Variants in SGSM3 observed in about 807,000 individuals in gnomAD.
SGSM3 encodes the protein small G protein signaling modulator 3, also known as RUN and SH3 containing 3.
SGSM3 carries 96 observed loss-of-function variants against 100.5 expected under a neutral mutation model. The ratio of observed to expected loss-of-function variants is 0.96; its 90% CI spans 0.81 to 1.13. The LOEUF (loss-of-function observed/expected upper bound fraction) is 1.13, where lower values mean the gene tolerates loss of function less well. Among genes scored for constraint, SGSM3 ranks in the 50% most tolerant of loss-of-function variants. The probability of loss-of-function intolerance (pLI) is 0.00; values close to 1 mark genes in which losing one functional copy is unlikely to be tolerated. For missense variants in SGSM3, 1,001 were observed against 1,015.8 expected, an observed-to-expected ratio of 0.99 and a Z score of 0.20; for synonymous variants, 483 against 422.8, an observed-to-expected ratio of 1.14 and a Z score of -1.75.
In SGSM3 at chr22:40,409,669, G is replaced by T. The variant is rs2052324397; in HGVS notation, c.2173-13G>T. 1 of 1,613,272 alleles carries T rather than the reference G, an allele frequency of 6.2e-7. No individual in the cohort carries two copies. The highest frequency in any genetic ancestry group is 8.5e-7 in the Non-Finnish European group (1 of 1,179,662). The stretch of plus-strand genomic sequence containing the variant: ...CCCAAGGCCTGTGAGGTGAGGGGCT[G>T]CCCTGTTTGCAGGCGCAGCAGCCCC... On this transcript the variant is annotated splice_polypyrimidine_tract_variant and intron_variant, in intron 21 of 21. Transcript: ENST00000248929.
At chr22:40,405,056 TG>T (rs1569206463) in intron 6 of SGSM3, 84 bp from the exon 7 acceptor site, 1 of 1,434,516 alleles carries the variant, frequency 7.0e-7, no homozygotes, top group Non-Finnish European at 9.2e-7. Context: ...TCCCCATTTC[TG>T]GGGGAGAAGC....
At position 40,407,605 on chromosome 22, in the gene SGSM3, G is replaced by C; in HGVS notation, c.1524+37G>C. The C allele has an allele frequency of 6.3e-7, 1 of 1,594,288 alleles. No individual in the cohort carries two copies. Among genetic ancestry groups the C allele is most frequent in the Non-Finnish European group, 8.5e-7 (1 of 1,174,372 alleles). ...CGCTGGACTACCAGGTCCTCAGGCT[G>C]TGGCGGGTTCCCCAGACTCCCTCCA... On this transcript the variant is annotated intron_variant, in intron 13 of 21. Coordinates refer to ENST00000248929, the MANE Select transcript of SGSM3 (RefSeq NM_015705.6). The surrounding 1 kb of genome is among the most constrained non-coding windows in gnomAD (Gnocchi z 4.7).
At chr22:40,373,531 C>T (rs1268032670) in intron 1 of SGSM3, 1 of 152,180 alleles carries the variant, frequency 6.6e-6, no homozygotes, top group Non-Finnish European at 1.5e-5. Flanking sequence ...GGATCTTGCC[C>T]TCAGGTAGTT....
intron 8 of SGSM3, 61 bp from the exon 9 acceptor site, chr22:40,406,017 G>A: frequency 1.3e-6 from 2 of 1,587,910 alleles, no homozygotes; most frequent in Non-Finnish European, 1.7e-6. Context: ...CCTTGCTGCA[G>A]TTCCGGGGAG....
chr22:40,382,795 TA>T (rs1197911349), intron 1 of SGSM3, among the ~76,000 whole-genome samples: 4 of 152,200 alleles, frequency 2.6e-5, no homozygotes, highest in Non-Finnish European at 5.9e-5. Flanking sequence ...AAGCATGTGA[TA>T]GGGGTTTTAA....
chr22:40,399,611 A>G (rs1442629737), intron 1 of SGSM3, among the ~76,000 whole-genome samples: 1 of 152,232 alleles, frequency 6.6e-6, no homozygotes, highest in African/African-American at 2.4e-5. Context: ...CATGCTTTTT[A>G]AAATTTCTAG....
At chr22:40,401,815 C>A in intron 3 of SGSM3, 140 bp downstream of exon 3, 1 of 714,718 alleles carries the variant, frequency 1.4e-6, no homozygotes, top group African/African-American at 1.7e-5. Flanking sequence ...TATCTTAGCC[C>A]CATGTTTCCT....
chr22:40,374,457 G>C (rs979420060), intron 1 of SGSM3, among the ~76,000 whole-genome samples: 8 of 152,234 alleles, frequency 5.3e-5, no homozygotes, highest in Non-Finnish European at 5.9e-5. Context: ...GAGTCTGACA[G>C]ATCTGGTAAC....
intron 20 of SGSM3, 27 bp from the exon 21 acceptor site, chr22:40,409,438 G>A: frequency 6.4e-7 from 1 of 1,566,766 alleles, no homozygotes; most frequent in Non-Finnish European, 8.7e-7. Flanking sequence ...GGTGACAAGA[G>A]CCTTACCACC....
rs2050646036 is a variant in SGSM3 at position 40,400,826 on chromosome 22, G to A, written c.7+13G>A. 6.5e-7 allele frequency: 1 copy of A among 1,532,274 alleles called. No individual in the cohort carries two copies. The highest frequency in any genetic ancestry group is 8.8e-7 in the Non-Finnish European group (1 of 1,141,032). 94.9% of individuals were successfully genotyped at this position (1,532,274 alleles called of 1,614,324 possible). ...AGCACAATGTCAGGTAGAGGCAGGGGCTGGACTTGGAAACGGGGTTTGAAG... is the reference window on the plus strand; with the variant it reads ...AGCACAATGTCAGGTAGAGGCAGGGACTGGACTTGGAAACGGGGTTTGAAG... On this transcript the variant is annotated intron_variant, in intron 2 of 21. Transcript: ENST00000248929.
At chr22:40,379,619 A>G (rs1020169141) in intron 1 of SGSM3, among the ~76,000 whole-genome samples, 10 of 152,202 alleles carry the variant, frequency 6.6e-5, no homozygotes, top group Non-Finnish European at 4.4e-5. Flanking sequence ...TCAGTGAGTT[A>G]TTAAGTAAAT....
In SGSM3 at chr22:40,404,317, G is replaced by T. The variant is rs2051149540; in HGVS notation, c.228G>T (p.Arg76=). The change falls in exon 5 of 22, where the codon CGG becomes CGT. Residue 76 remains arginine (R), a synonymous_variant. Coordinates refer to ENST00000248929, the MANE Select transcript of SGSM3 (RefSeq NM_015705.6). ...TGGAGGATGCTCCACAGAGGCTGCG[G>T]TGGCAGGCCCACCTGGAGTTCACCC... The part of the protein sequence containing the change: ...PLMEDAPQRL[R]WQAHLEFTHN... 6.3e-6 allele frequency: 10 copies of T among 1,579,876 alleles called. No homozygotes were observed. The highest frequency in any genetic ancestry group is 8.6e-6 in the Non-Finnish European group (10 of 1,162,148).
rs574557727 is a variant in SGSM3 at position 40,386,001 on chromosome 22, G to A, written c.-111-14695G>A. ...CAGGTAGCTGGGACTACAGGCGCAC[G>A]CCACCATGCCCGGCTAATTTTTTGT... On this transcript the variant is annotated intron_variant, in intron 1 of 21. Coordinates refer to ENST00000248929, the MANE Select transcript of SGSM3 (RefSeq NM_015705.6). 1.1e-4 allele frequency among the ~76,000 whole-genome samples: 17 copies of A among 151,642 alleles called. No homozygotes were observed. In the East Asian group the frequency reaches 2.5e-3, roughly 22 times the overall value.
intron 1 of SGSM3, among the ~76,000 whole-genome samples, chr22:40,379,069 T>A (rs931917650): frequency 2.0e-5 from 3 of 152,230 alleles, no homozygotes; most frequent in Non-Finnish European, 4.4e-5. Flanking sequence ...TGGTTCTTCC[T>A]GCCTCATTTT....
chr22:40,406,810 G>C, intron 10 of SGSM3, 148 bp downstream of exon 10: 1 of 872,656 alleles, frequency 1.1e-6, no homozygotes, highest in Non-Finnish European at 1.8e-6. Context: ...CAGCTGTGGG[G>C]TGATCCAGGC....
intron 1 of SGSM3, among the ~76,000 whole-genome samples, chr22:40,391,479 T>A (rs1286693535): frequency 6.6e-6 from 1 of 152,110 alleles, no homozygotes; most frequent in Non-Finnish European, 1.5e-5. Context: ...GGTGTGGTGG[T>A]GCACACCTGT....
rs1350683792 is a variant in SGSM3 at position 40,407,591 on chromosome 22, C to A, written c.1524+23C>A. 5 of 1,598,514 alleles carry A rather than the reference C, an allele frequency of 3.1e-6. No individual in the cohort carries two copies. The African/African-American group carries it at 6.7e-5, about 21-fold the overall frequency. ...ACAGTGCGTGGGGGCGCTGGACTAC[C>A]AGGTCCTCAGGCTGTGGCGGGTTCC... On this transcript the variant is annotated intron_variant, in intron 13 of 21. Coordinates refer to ENST00000248929, the MANE Select transcript of SGSM3 (RefSeq NM_015705.6). This position sits in a 1 kb window ranked among gnomAD's most constrained non-coding sequence, Gnocchi z 4.7.
Position 40,407,866 on chromosome 22 carries a change from G to A in SGSM3, c.1579+23G>A, listed in dbSNP as rs1602121174. 2 of 1,599,684 alleles carry A rather than the reference G, an allele frequency of 1.3e-6. No individual in the cohort carries two copies. Among genetic ancestry groups the A allele is most frequent in the East Asian group, 2.2e-5 (1 of 44,740 alleles). On this transcript the variant is annotated intron_variant, in intron 14 of 21. Transcript: ENST00000248929. The surrounding 1 kb of genome is among the most constrained non-coding windows in gnomAD (Gnocchi z 4.7). The stretch of plus-strand genomic sequence containing the variant: ...GAGGTGGGGTCCTTGGTCTGCTCTT[G>A]AGCTGGGAGAGGGAGGAGGGGGTGG...
Position 40,407,265 on chromosome 22 carries a change from C to T in SGSM3, c.1305C>T (p.Leu435=), listed in dbSNP as rs1453585940. The T allele has an allele frequency of 1.4e-5, 22 of 1,613,482 alleles. No homozygotes were observed. Among genetic ancestry groups the T allele is most frequent in the Non-Finnish European group, 1.8e-5 (21 of 1,180,032 alleles). ...NIKQTELVAD[L]REAILRVARH... is the part of the protein sequence containing the mutation. Reference sequence around the variant, plus strand: ...AGCAGACGGAACTGGTGGCTGACCTCCGGGAAGCCATCCTGCGCGTGGCAC... The same window carrying T: ...AGCAGACGGAACTGGTGGCTGACCTTCGGGAAGCCATCCTGCGCGTGGCAC... Residue 435 remains leucine (L), a synonymous_variant, in exon 12 of 22, where the codon CTC becomes CTT. Coordinates refer to ENST00000248929, the MANE Select transcript of SGSM3 (RefSeq NM_015705.6). This position sits in a 1 kb window ranked among gnomAD's most constrained non-coding sequence, Gnocchi z 4.7.
Sources: allele counts gnomAD v4.1 joint callset (sites outside exome capture counted in the v4.1 genomes callset), GRCh38; gene constraint gnomAD v4.1.1; non-coding constraint Gnocchi (gnomAD v3.1); transcripts MANE v1.5; gene names NCBI Gene and HGNC (gene_info 2026-07-23, HGNC 2026-07-21).